The following KCNH1 variants were observed in gnomAD, a reference collection of about 807,000 sequenced individuals.
The protein encoded by KCNH1 is potassium voltage-gated channel subfamily H member 1.
Under a neutral mutation model 69.2 loss-of-function variants are expected in KCNH1, and 27 were observed. That is an observed-to-expected ratio of 0.39 (90% CI 0.29 to 0.54). The LOEUF is 0.54. KCNH1 is among the 20% of genes least tolerant of loss of function. The pLI is 0.68. For missense variants in KCNH1, 798 were observed against 1,261.6 expected (o/e 0.63, Z 5.57); for synonymous variants, 456 against 487.7 (o/e 0.93, Z 0.86).
At chr1:211,072,247 G>C (rs1319486752) in intron 5 of KCNH1, among the ~76,000 whole-genome samples, 1 of 152,216 alleles carries the variant, frequency 6.6e-6, no homozygotes, top group African/African-American at 2.4e-5. Flanking sequence ...CTGCACTCCA[G>C]CCTGGGCGGC....
At chr1:210,830,426 G>C (rs1161320174) in intron 7 of KCNH1, among the ~76,000 whole-genome samples, 1 of 152,170 alleles carries the variant, frequency 6.6e-6, no homozygotes, top group African/African-American at 2.4e-5. Context: ...GGTCAGGGTA[G>C]AGCTGACACC....
At chr1:211,006,252 A>C (rs376657082) in intron 6 of KCNH1, among the ~76,000 whole-genome samples, 2 of 152,206 alleles carry the variant, frequency 1.3e-5, no homozygotes, top group East Asian at 3.8e-4. Flanking sequence ...TTCTAACAGA[A>C]ATCAGGGTAT....
chr1:211,101,648 G>A (rs560281662), intron 3 of KCNH1, among the ~76,000 whole-genome samples: 1 of 152,170 alleles, frequency 6.6e-6, no homozygotes, highest in Admixed American at 6.5e-5. Context: ...CCCCTAAGCA[G>A]GGTATAGCCT....
intron 9 of KCNH1, among the ~76,000 whole-genome samples, chr1:210,785,397 G>A (rs1380190515): frequency 4.9e-5 from 7 of 141,426 alleles, no homozygotes. Flanking sequence ...CTCTTACTCT[G>A]TTTTTTTTTT....
chr1:211,101,918 C>A (rs1302277392), intron 3 of KCNH1, among the ~76,000 whole-genome samples: 1 of 152,204 alleles, frequency 6.6e-6, no homozygotes, highest in Non-Finnish European at 1.5e-5. Context: ...TAGTATCACC[C>A]ATAAAGTAGA....
At chr1:210,722,826 A>G (rs912862385) in intron 10 of KCNH1, among the ~76,000 whole-genome samples, 2 of 152,176 alleles carry the variant, frequency 1.3e-5, no homozygotes, top group Admixed American at 6.5e-5. Context: ...AAGAAGAGAA[A>G]TTCAATTTAT....
At chr1:210,854,650 A>G (rs1460882037) in intron 7 of KCNH1, among the ~76,000 whole-genome samples, 1 of 152,184 alleles carries the variant, frequency 6.6e-6, no homozygotes, top group Non-Finnish European at 1.5e-5. Flanking sequence ...TGGCCCATCA[A>G]AGGTGTGGGC....
intron 5 of KCNH1, among the ~76,000 whole-genome samples, chr1:211,029,384 A>AG (rs140203080): frequency 0.034 from 4,943 of 146,700 alleles, 191 homozygotes; most frequent in South Asian, 0.11. Flanking sequence ...CAAGAGTGCA[A>AG]GGCTGGCTCA....
intron 5 of KCNH1, among the ~76,000 whole-genome samples, chr1:211,082,513 C>T (rs1690876616): frequency 6.6e-6 from 1 of 152,100 alleles, no homozygotes; most frequent in Admixed American, 6.5e-5. Flanking sequence ...CTTCTAGCTC[C>T]TCATAAAAGT....
At chr1:211,014,070 C>G (rs1689448886) in intron 6 of KCNH1, among the ~76,000 whole-genome samples, 1 of 152,220 alleles carries the variant, frequency 6.6e-6, no homozygotes, top group Non-Finnish European at 1.5e-5. Flanking sequence ...TCTGAGGTTA[C>G]AGAGCCAGGG....
At chr1:210,884,715 C>T (rs549560978) in intron 7 of KCNH1, among the ~76,000 whole-genome samples, 1 of 152,326 alleles carries the variant, frequency 6.6e-6, no homozygotes, top group African/African-American at 2.4e-5. Flanking sequence ...GCAGTCACTC[C>T]CCTACCAAAG....
intron 6 of KCNH1, among the ~76,000 whole-genome samples, chr1:210,932,534 T>C (rs1687696612): frequency 9.1e-6 from 1 of 110,476 alleles, no homozygotes; most frequent in Admixed American, 1.0e-4. Context: ...AATGTAAATG[T>C]ATTATATTCC....
rs113169352 is a variant in KCNH1, at chr1:210,701,463, G to A, written c.2113-17325C>T. 9.0e-3 allele frequency among the ~76,000 whole-genome samples: 1,366 copies of A among 152,310 alleles called. 7 individuals are homozygous for A. The highest frequency in any genetic ancestry group is 0.024 in the Middle Eastern group (7 of 294). On this transcript the variant is annotated intron_variant, in intron 10 of 10. Transcript: ENST00000271751. ...AGTGGCTTACTAAGGTCGCAAAGAA[G>A]TTTCTCTGAAGCAGAGCTTTCTTCT...
chr1:210,698,570 A>G (rs1681698642), intron 10 of KCNH1, among the ~76,000 whole-genome samples: 1 of 152,374 alleles, frequency 6.6e-6, no homozygotes. Flanking sequence ...AGAGCCATCA[A>G]AATGGCAAAG....
intron 7 of KCNH1, among the ~76,000 whole-genome samples, chr1:210,853,556 A>G (rs931949838): frequency 6.6e-6 from 1 of 152,216 alleles, no homozygotes; most frequent in East Asian, 1.9e-4. Flanking sequence ...GGGCAAGTGC[A>G]TTCCTCAAGG....
At chr1:210,776,958 T>C (rs984705903) in intron 9 of KCNH1, among the ~76,000 whole-genome samples, 1 of 152,162 alleles carries the variant, frequency 6.6e-6, no homozygotes, top group Non-Finnish European at 1.5e-5. Context: ...GCCTCTAAAT[T>C]TTCAGCACGA....
At chr1:210,867,491 A>G (rs1386860844) in intron 7 of KCNH1, among the ~76,000 whole-genome samples, 1 of 151,926 alleles carries the variant, frequency 6.6e-6, no homozygotes, top group Non-Finnish European at 1.5e-5. Context: ...AGGTACTGTG[A>G]AAAGCAATTA....
In KCNH1 at chr1:210,791,448, C is replaced by T. The variant is rs1684210706; in HGVS notation, c.1915+6060G>A. 2.0e-5 allele frequency among the ~76,000 whole-genome samples: 3 copies of T among 152,192 alleles called. No individual in the cohort carries two copies. In the South Asian group the frequency reaches 6.2e-4, roughly 32 times the overall value. On this transcript the variant is annotated intron_variant, in intron 9 of 10. Coordinates refer to ENST00000271751, the MANE Select transcript of KCNH1 (RefSeq NM_172362.3). ...TCCACTATAGTTGAGAACCACTGGC[C>T]TCATGGAAAGGTTGCTCAGTCTACT... is the stretch of plus-strand genomic sequence containing the variant.
intron 7 of KCNH1, among the ~76,000 whole-genome samples, chr1:210,865,580 A>T (rs1171401983): frequency 6.6e-6 from 1 of 152,208 alleles, no homozygotes; most frequent in East Asian, 1.9e-4. Context: ...CACAATGCTG[A>T]AGCTACGCTT....
Sources: gnomAD v4.1 joint callset for allele counts (sites outside exome capture counted in the v4.1 genomes callset) on GRCh38, gnomAD v4.1.1 for gene constraint, MANE v1.5 for transcripts, NCBI Gene and HGNC (gene_info 2026-07-23, HGNC 2026-07-21) for gene names.